The following CADM2 variants were observed in gnomAD, a reference collection of about 807,000 sequenced individuals.
CADM2 encodes the protein immunoglobulin superfamily member 4D.
Under a neutral mutation model 49.8 loss-of-function variants are expected in CADM2, and 12 were observed. The observed-to-expected ratio is 0.24, with a 90% CI of 0.15 to 0.39. The LOEUF (loss-of-function observed/expected upper bound fraction) is 0.39, where lower values mean the gene tolerates loss of function less well. Among genes scored for constraint, CADM2 ranks in the 10% least tolerant of loss-of-function variants. The pLI, the probability that CADM2 is intolerant of heterozygous loss-of-function variation, is 1.00. For synonymous variants in CADM2, 214 were observed against 175.4 expected, an observed-to-expected ratio of 1.22 and a Z score of -1.74; for missense variants, 378 against 492.3, an observed-to-expected ratio of 0.77 and a Z score of 2.20.
At chr3:84,987,363 C>A (rs1264613682) in intron 1 of CADM2, among the ~76,000 whole-genome samples, 1 of 152,040 alleles carries the variant, frequency 6.6e-6, no homozygotes, top group Admixed American at 6.5e-5. Context: ...TTGTGCAATG[C>A]AAGGCAAATT....
At chr3:85,754,098 G>C (rs370909938) in intron 2 of CADM2, among the ~76,000 whole-genome samples, 1 of 152,156 alleles carries the variant, frequency 6.6e-6, no homozygotes, top group Admixed American at 6.6e-5. Context: ...AGATGTATGC[G>C]TGCTCACTTG....
intron 1 of CADM2, among the ~76,000 whole-genome samples, chr3:85,549,772 T>C (rs2061754019): frequency 6.7e-6 from 1 of 148,226 alleles, no homozygotes; most frequent in African/African-American, 2.5e-5. Context: ...TACAGGCATG[T>C]GCCACCATGC....
At position 85,694,006 on chromosome 3, in the gene CADM2, G is replaced by A. The variant is rs145199619; in HGVS notation, c.62-32516G>A. On this transcript the variant is annotated intron_variant, in intron 1 of 9. Transcript: ENST00000383699. The stretch of plus-strand genomic sequence containing the variant: ...ATATAAAGAATAGAATGGAATGACC[G>A]ACTTTTGGTAGTTTTGTGAAATTTC... Among the ~76,000 whole-genome samples the A allele has an allele frequency of 4.6e-5, 7 of 151,792 alleles. No homozygotes were observed. The East Asian group carries it at 7.7e-4, about 17-fold the overall frequency.
At chr3:85,808,868 A>G (rs2072630009) in intron 3 of CADM2, among the ~76,000 whole-genome samples, 2 of 152,312 alleles carry the variant, frequency 1.3e-5, no homozygotes, top group South Asian at 4.1e-4. Context: ...ACATGAGTAA[A>G]TTGTCCTAAA....
intron 1 of CADM2, among the ~76,000 whole-genome samples, chr3:85,330,363 A>AGTATGTTT (rs1392889990): frequency 1.3e-5 from 2 of 151,762 alleles, no homozygotes; most frequent in Non-Finnish European, 2.9e-5. Context: ...TTCTATTGTT[A>AGTATGTTT]GTATGTTTCC....
chr3:85,897,986 A>G (rs1430850328), intron 5 of CADM2, among the ~76,000 whole-genome samples: 1 of 152,216 alleles, frequency 6.6e-6, no homozygotes, highest in Non-Finnish European at 1.5e-5. Flanking sequence ...CTGCTTTGAA[A>G]GTGGCCTTGC....
intron 1 of CADM2, among the ~76,000 whole-genome samples, chr3:85,132,957 G>A (rs898024038): frequency 6.6e-6 from 1 of 152,022 alleles, no homozygotes; most frequent in African/African-American, 2.4e-5. Flanking sequence ...TCTGATATTC[G>A]GATATGTTCA....
intron 2 of CADM2, among the ~76,000 whole-genome samples, chr3:85,741,424 C>G (rs2068380627): frequency 1.3e-5 from 2 of 152,048 alleles, no homozygotes; most frequent in Admixed American, 6.6e-5. Flanking sequence ...ATTCCCAGCA[C>G]TTTGGAAGGC....
chr3:85,503,583 C>G (rs547046422), intron 1 of CADM2, among the ~76,000 whole-genome samples: 1 of 152,192 alleles, frequency 6.6e-6, no homozygotes, highest in East Asian at 1.9e-4. Context: ...ATTTTATAGA[C>G]AACACATTAA....
chr3:85,826,296 G>C (rs949022043), intron 3 of CADM2, among the ~76,000 whole-genome samples: 1 of 152,084 alleles, frequency 6.6e-6, no homozygotes, highest in Non-Finnish European at 1.5e-5. Flanking sequence ...TTTGTGTAAA[G>C]CTGCCCACTG....
chr3:85,900,712 T>C (rs1259020582), intron 5 of CADM2, among the ~76,000 whole-genome samples: 2 of 152,180 alleles, frequency 1.3e-5, no homozygotes, highest in African/African-American at 4.8e-5. Flanking sequence ...GACATTATAA[T>C]AACAAAAATA....
chr3:85,158,291 C>A (rs189433781), intron 1 of CADM2, among the ~76,000 whole-genome samples: 2 of 152,314 alleles, frequency 1.3e-5, no homozygotes, highest in South Asian at 2.1e-4. Context: ...GGCAATTCCT[C>A]AGGGATCTAG....
At chr3:85,560,021 T>A (rs1237985387) in intron 1 of CADM2, among the ~76,000 whole-genome samples, 3 of 152,190 alleles carry the variant, frequency 2.0e-5, no homozygotes, top group African/African-American at 7.2e-5. Flanking sequence ...CTTTGAGTCA[T>A]AATTCCAATT....
intron 1 of CADM2, among the ~76,000 whole-genome samples, chr3:85,379,999 A>C (rs1366115835): frequency 1.3e-5 from 2 of 152,158 alleles, no homozygotes; most frequent in East Asian, 3.9e-4. Flanking sequence ...CAAAGTCTGC[A>C]TGAGTATTTC....
At chr3:85,447,616 C>G (rs1261820890) in intron 1 of CADM2, among the ~76,000 whole-genome samples, 1 of 152,140 alleles carries the variant, frequency 6.6e-6, no homozygotes, top group Non-Finnish European at 1.5e-5. Context: ...AAAAAATTGC[C>G]TAAGCATTTA....
intron 1 of CADM2, among the ~76,000 whole-genome samples, chr3:85,409,707 A>C (rs1452308604): frequency 6.6e-6 from 1 of 152,128 alleles, no homozygotes; most frequent in South Asian, 2.1e-4. Context: ...ACTTGGATTA[A>C]AGATGATAAA....
chr3:85,007,835 C>T (rs137896000), intron 1 of CADM2, among the ~76,000 whole-genome samples: 32 of 152,112 alleles, frequency 2.1e-4, no homozygotes, highest in African/African-American at 6.7e-4. Flanking sequence ...ATGTTAATTT[C>T]GAGGGAGTGA....
intron 1 of CADM2, among the ~76,000 whole-genome samples, chr3:85,205,482 A>G (rs1205246836): frequency 1.3e-5 from 2 of 152,174 alleles, no homozygotes; most frequent in African/African-American, 2.4e-5. Flanking sequence ...TTCTATCTAT[A>G]TAGAAAATCA....
intron 1 of CADM2, among the ~76,000 whole-genome samples, chr3:85,513,427 CT>C (rs576944721): frequency 1.1e-4 from 17 of 151,660 alleles, no homozygotes; most frequent in African/African-American, 3.1e-4. Context: ...TAATAATTTA[CT>C]TTTTTTTGAT....
Sources: allele counts gnomAD v4.1 joint callset (sites outside exome capture counted in the v4.1 genomes callset), GRCh38; gene constraint gnomAD v4.1.1; transcripts MANE v1.5; gene names NCBI Gene and HGNC (gene_info 2026-07-23, HGNC 2026-07-21).